Variants in EIF2AK4 observed in about 807,000 individuals in gnomAD.
The protein encoded by EIF2AK4 is eIF-2-alpha kinase GCN2.
In EIF2AK4, 139 loss-of-function variants were observed where a neutral mutation model predicts 211.1. The ratio of observed to expected loss-of-function variants is 0.66; its 90% CI spans 0.57 to 0.76. EIF2AK4 has a LOEUF of 0.76. Ranked by LOEUF, EIF2AK4 falls within the 30% of genes least tolerant of loss-of-function variation. The pLI is 0.00. For synonymous variants in EIF2AK4, 710 were observed against 751.3 expected, an observed-to-expected ratio of 0.94 and a Z score of 0.90; for missense variants, 1,664 against 2,043.8, an observed-to-expected ratio of 0.81 and a Z score of 3.58.
rs561494177 is a variant in EIF2AK4 at position 40,022,852 on chromosome 15, G to A, written c.4389+247G>A. ...GGGTTCTCGCCATTTTCCTGCCTCA[G>A]CCTCCCCGGTAGCTGGGACTGCAGG... On this transcript the variant is annotated intron_variant, in intron 32 of 38. Coordinates refer to ENST00000263791, the MANE Select transcript of EIF2AK4 (RefSeq NM_001013703.4). 1.6e-3 allele frequency among the ~76,000 whole-genome samples: 247 copies of A among 152,140 alleles called. 2 individuals are homozygous for A. The highest frequency in any genetic ancestry group is 3.1e-3 in the Non-Finnish European group (213 of 67,984).
rs1424046280 is a variant in EIF2AK4, at chr15:39,961,892, A to G, written c.852A>G (p.Lys284=). ...ATCAGCTCATGGTGCACAAAGGGAA[A>G]TGTATTGGTGAGTAAACTAGCAAAA... The part of the protein sequence containing the change: ...SPDQLMVHKG[K]CIGSDEQLGK... The change falls in exon 7 of 39, where the codon AAA becomes AAG. Residue 284 remains lysine, a synonymous_variant. Coordinates refer to ENST00000263791, the MANE Select transcript of EIF2AK4 (RefSeq NM_001013703.4). 2.5e-6 allele frequency: 4 copies of G among 1,611,764 alleles called. No homozygotes were observed. Among genetic ancestry groups the G allele is most frequent in the Non-Finnish European group, 2.5e-6 (3 of 1,179,072 alleles).
chr15:39,973,825 A>T lies in EIF2AK4; in HGVS notation c.1818+76A>T, dbSNP rs533636996. On this transcript the variant is annotated intron_variant, in intron 11 of 38. Coordinates refer to ENST00000263791, the MANE Select transcript of EIF2AK4 (RefSeq NM_001013703.4). Reference sequence around the variant, plus strand: ...ATTTCCACAAAGACTCATGGACTTTACTTTTATTTTGGGAGTGGGGAGGGA... The same window carrying T: ...ATTTCCACAAAGACTCATGGACTTTTCTTTTATTTTGGGAGTGGGGAGGGA... 8 of 1,545,898 alleles carry T rather than the reference A, an allele frequency of 5.2e-6. No homozygotes were observed. The East Asian group carries it at 1.8e-4, about 35-fold the overall frequency.
chr15:39,939,568 T>A lies in EIF2AK4; in HGVS notation c.208T>A (p.Tyr70Asn), dbSNP rs1401095591. Reference protein sequence around the residue: ...YPQGLTGEEVYVKVDLRVKCP... With the variant: ...YPQGLTGEEVNVKVDLRVKCP... ...TCAAGGCCTAACTGGTGAAGAAGTATATGTAAAAGTGGATTTGAGGGTTAA... is the reference window on the plus strand; with the variant it reads ...TCAAGGCCTAACTGGTGAAGAAGTAAATGTAAAAGTGGATTTGAGGGTTAA... Residue 70 changes from tyrosine (Y) to asparagine (N), a missense_variant, in exon 2 of 39, where the codon TAT becomes AAT. By Grantham distance (143) the Tyr-to-Asn change is moderately radical (BLOSUM62 -2). Transcript: ENST00000263791. The A allele has an allele frequency of 6.2e-7, 1 of 1,613,156 alleles. No homozygotes were observed. The highest frequency in any genetic ancestry group is 8.5e-7 in the Non-Finnish European group (1 of 1,179,430).
chr15:39,960,364 A>G (rs75827339), intron 6 of EIF2AK4, among the ~76,000 whole-genome samples: 8,886 of 151,916 alleles, frequency 0.058, 445 homozygotes, highest in East Asian at 0.28. Context: ...AGGGCAGGGG[A>G]GATAGAGAGG....
chr15:40,032,658 C>CT (rs2035559262), intron 36 of EIF2AK4, 99 bp from the exon 37 acceptor site: 3 of 1,108,486 alleles, frequency 2.7e-6, no homozygotes, highest in African/African-American at 3.1e-5. Flanking sequence ...ATCTCAGACT[C>CT]TGCAAACCCT....
chr15:39,980,820 C>G (rs1238292732), intron 13 of EIF2AK4, among the ~76,000 whole-genome samples: 1 of 152,156 alleles, frequency 6.6e-6, no homozygotes, highest in African/African-American at 2.4e-5. Context: ...TCCCAAAGTG[C>G]TGCCATTATA....
chr15:39,948,034 T>G (rs1198976246), intron 3 of EIF2AK4, among the ~76,000 whole-genome samples: 1 of 152,244 alleles, frequency 6.6e-6, no homozygotes, highest in Non-Finnish European at 1.5e-5. Flanking sequence ...ATAACCTGCC[T>G]CTTAGACTGT....
At chr15:39,981,199 A>G (rs551341763) in intron 13 of EIF2AK4, among the ~76,000 whole-genome samples, 1 of 152,128 alleles carries the variant, frequency 6.6e-6, no homozygotes, top group African/African-American at 2.4e-5. Flanking sequence ...GTGAAACCCC[A>G]TCTCTACTAA....
At chr15:39,948,754 G>A (rs1008741815) in intron 3 of EIF2AK4, among the ~76,000 whole-genome samples, 3 of 152,142 alleles carry the variant, frequency 2.0e-5, no homozygotes, top group African/African-American at 4.8e-5. Context: ...TGGGAAGATA[G>A]CTTTTACTTT....
At chr15:39,990,725 T>G (rs1215768084) in intron 16 of EIF2AK4, among the ~76,000 whole-genome samples, 2 of 152,154 alleles carry the variant, frequency 1.3e-5, no homozygotes, top group Non-Finnish European at 2.9e-5. Flanking sequence ...TTTGGGGAAA[T>G]GAGGCTCAAA....
At chr15:39,985,404 A>G (rs973030746) in intron 13 of EIF2AK4, among the ~76,000 whole-genome samples, 13 of 152,168 alleles carry the variant, frequency 8.5e-5, no homozygotes, top group African/African-American at 3.1e-4. Flanking sequence ...ATTGCTTGGA[A>G]TAGTTTTAAA....
At chr15:39,980,701 T>C (rs1034627640) in intron 13 of EIF2AK4, among the ~76,000 whole-genome samples, 2 of 152,154 alleles carry the variant, frequency 1.3e-5, no homozygotes, top group African/African-American at 4.8e-5. Flanking sequence ...ACTATTATTA[T>C]TTTAAGAGGC....
intron 3 of EIF2AK4, among the ~76,000 whole-genome samples, chr15:39,947,192 A>T (rs2034240733): frequency 6.6e-6 from 1 of 152,226 alleles, no homozygotes; most frequent in Non-Finnish European, 1.5e-5. Context: ...TTAAGTCTGG[A>T]GTACTGGAAA....
chr15:39,970,216 G>A (rs1190390874), intron 9 of EIF2AK4, among the ~76,000 whole-genome samples: 5 of 151,932 alleles, frequency 3.3e-5, no homozygotes, highest in African/African-American at 9.7e-5. Context: ...TTCTATATAC[G>A]GCTACCCTGT....
At chr15:39,951,036 G>A (rs1205455070) in intron 4 of EIF2AK4, among the ~76,000 whole-genome samples, 1 of 152,210 alleles carries the variant, frequency 6.6e-6, no homozygotes, top group Non-Finnish European at 1.5e-5. Flanking sequence ...CGTGATTTCT[G>A]TCCCCTCTTT....
intron 37 of EIF2AK4, among the ~76,000 whole-genome samples, chr15:40,033,039 A>G (rs1328115066): frequency 3.3e-5 from 5 of 152,122 alleles, no homozygotes; most frequent in Non-Finnish European, 5.9e-5. Flanking sequence ...ACAAAAAACA[A>G]AAACAAAAAA....
chr15:39,949,330 G>A lies in EIF2AK4; in HGVS notation c.513+62G>A. 1.7e-5 allele frequency: 27 copies of A among 1,584,696 alleles called. No homozygotes were observed. In the South Asian group the frequency reaches 3.0e-4, roughly 18 times the overall value. On this transcript the variant is annotated intron_variant, in intron 4 of 38. Transcript: ENST00000263791. ...GCCTGGAGGATTGCAAACTACTGTAGGTTTTATCTGTCTCTGCCTACAAAC... is the reference window on the plus strand; with the variant it reads ...GCCTGGAGGATTGCAAACTACTGTAAGTTTTATCTGTCTCTGCCTACAAAC...
chr15:40,007,440 A>T (rs2035176548), intron 24 of EIF2AK4, among the ~76,000 whole-genome samples: 1 of 152,192 alleles, frequency 6.6e-6, no homozygotes, highest in South Asian at 2.1e-4. Context: ...AGTGGTCTCT[A>T]TGTGAAAACT....
chr15:39,967,333 T>TC lies in EIF2AK4; in HGVS notation c.1018-11_1018-10insC, dbSNP rs772398225. ...GCCCAATATTCTTTTTTTTTTTTTT[T>TC]AACTTATCAGATTCAAGGAACAGAA... is the stretch of plus-strand genomic sequence containing the variant. On this transcript the variant is annotated splice_polypyrimidine_tract_variant and intron_variant, in intron 8 of 38. Coordinates refer to ENST00000263791, the MANE Select transcript of EIF2AK4 (RefSeq NM_001013703.4). The TC allele has an allele frequency of 6.5e-7, 1 of 1,548,194 alleles. No individual in the cohort carries two copies. Among genetic ancestry groups the TC allele is most frequent in the South Asian group, 1.2e-5 (1 of 82,148 alleles).
Sources: allele counts gnomAD v4.1 joint callset (sites outside exome capture counted in the v4.1 genomes callset), GRCh38; gene constraint gnomAD v4.1.1; transcripts MANE v1.5; gene names NCBI Gene and HGNC (gene_info 2026-07-23, HGNC 2026-07-21).